Variants in BEND7 observed in about 807,000 individuals in gnomAD.
BEND7 encodes BEN domain containing 7.
In BEND7, 28 loss-of-function variants were observed where a neutral mutation model predicts 50.9. The ratio of observed to expected loss-of-function variants is 0.55; its 90% CI spans 0.41 to 0.75. The LOEUF (loss-of-function observed/expected upper bound fraction) is 0.75. Ranked by LOEUF, BEND7 falls within the 30% of genes least tolerant of loss-of-function variation. The pLI, the probability that BEND7 is intolerant of heterozygous loss-of-function variation, is 0.00. For synonymous variants in BEND7, 170 were observed against 183.9 expected (o/e 0.92, Z 0.61); for missense variants, 477 against 491.3 (o/e 0.97, Z 0.28).
At chr10:13,485,676 G>A (rs1044274727) in intron 5 of BEND7, among the ~76,000 whole-genome samples, 3 of 152,092 alleles carry the variant, frequency 2.0e-5, no homozygotes, top group Non-Finnish European at 4.4e-5. Flanking sequence ...TGTTTATTTC[G>A]TAGTATATTA....
intron 3 of BEND7, among the ~76,000 whole-genome samples, chr10:13,498,464 A>G (rs1215192483): frequency 6.6e-6 from 1 of 152,214 alleles, no homozygotes; most frequent in African/African-American, 2.4e-5. Flanking sequence ...CATACTTTTC[A>G]AAGTAAATCC....
At chr10:13,489,078 G>A (rs76850029) in intron 5 of BEND7, among the ~76,000 whole-genome samples, 62 of 152,248 alleles carry the variant, frequency 4.1e-4, no homozygotes, top group African/African-American at 1.4e-3. Context: ...AATGGGCCAG[G>A]CCTTGTTCTA....
At chr10:13,517,617 G>T (rs1416376381) in intron 2 of BEND7, among the ~76,000 whole-genome samples, 1 of 152,192 alleles carries the variant, frequency 6.6e-6, no homozygotes, top group African/African-American at 2.4e-5. Context: ...GCTGGGCATG[G>T]TGGTGCATGC....
At position 13,526,153 on chromosome 10, in the gene BEND7, G is replaced by C. The variant is rs780483736; in HGVS notation, c.130C>G (p.Gln44Glu). 4 of 1,288,464 alleles carry C rather than the reference G, an allele frequency of 3.1e-6. No individual in the cohort carries two copies. The highest frequency in any genetic ancestry group is 2.5e-5 in the South Asian group (2 of 80,866). The allele number at this position is 1,288,464 out of a possible 1,614,324, so 79.8% of individuals were successfully genotyped here. Residue 44 changes from glutamine (Q) to glutamate (E), a missense_variant, in exon 2 of 9, where the codon CAG becomes GAG. By Grantham distance (29) the Gln-to-Glu change is conservative. This residue lies in a region of BEND7 where 396 missense variants were observed against 384.2 expected (regional missense o/e 1.03). Transcript: ENST00000466271. ...NDVNGEAKET[Q>E]PIFLGDESME... ...AGGAACCTACCTAAAAAAATGGGCT[G>C]TGTCTCTTTGGCCTCCCCATTAACA... is the stretch of plus-strand genomic sequence containing the variant.
chr10:13,458,903 A>T (rs1450636715), intron 6 of BEND7, among the ~76,000 whole-genome samples: 1 of 152,152 alleles, frequency 6.6e-6, no homozygotes, highest in African/African-American at 2.4e-5. Context: ...GAGACTCCCC[A>T]TGTGCGAGGC....
At chr10:13,501,899 T>C (rs934863461) in intron 2 of BEND7, among the ~76,000 whole-genome samples, 5 of 151,780 alleles carry the variant, frequency 3.3e-5, no homozygotes, top group African/African-American at 4.8e-5. Context: ...TTCATGCAGT[T>C]ACTCTAATAA....
At chr10:13,528,113 C>A (rs2079546789) in intron 1 of BEND7, among the ~76,000 whole-genome samples, 1 of 152,082 alleles carries the variant, frequency 6.6e-6, no homozygotes, top group Non-Finnish European at 1.5e-5. Context: ...AAAACAAAAA[C>A]AGCAAATCTC....
At chr10:13,498,385 A>T (rs1247587238) in intron 3 of BEND7, among the ~76,000 whole-genome samples, 17 of 152,110 alleles carry the variant, frequency 1.1e-4, no homozygotes, top group Non-Finnish European at 7.3e-5. Flanking sequence ...CCATATTTCT[A>T]TTGAAAACAT....
intron 2 of BEND7, chr10:13,500,919 C>T (rs763384603): frequency 1.2e-4 from 95 of 824,236 alleles, no homozygotes; most frequent in Middle Eastern, 1.2e-3. Context: ...TAACTGTGTG[C>T]GAAAGGTCAC....
intron 2 of BEND7, 129 bp downstream of exon 2, chr10:13,526,009 G>C (rs1229837782): frequency 2.7e-6 from 1 of 371,504 alleles, no homozygotes; most frequent in Admixed American, 4.2e-5. Context: ...TAAAATAAAA[G>C]GTCTTGAAAA....
At chr10:13,490,072 T>C (rs75859484) in intron 5 of BEND7, among the ~76,000 whole-genome samples, 401 of 152,330 alleles carry the variant, frequency 2.6e-3, no homozygotes, top group Non-Finnish European at 3.9e-3. Flanking sequence ...ACTATTGTTA[T>C]CAGTTTGAAG....
chr10:13,501,525 T>C (rs2077464099), intron 2 of BEND7, among the ~76,000 whole-genome samples: 1 of 151,662 alleles, frequency 6.6e-6, no homozygotes, highest in Non-Finnish European at 1.5e-5. Context: ...GAGAAATGAA[T>C]TTTTTTTTCT....
Position 13,500,011 on chromosome 10 carries a change from C to T in BEND7, c.215G>A (p.Arg72Gln), listed in dbSNP as rs745972440. The T allele has an allele frequency of 1.1e-5, 17 of 1,613,920 alleles. No individual in the cohort carries two copies. The highest frequency in any genetic ancestry group is 3.3e-5 in the Admixed American group (2 of 60,016). ...TTCTTTGCCAACTCGCTGATAGATCCGCCCAGTGCTGTCGTTCAGCAATCT... is the reference window on the plus strand; with the variant it reads ...TTCTTTGCCAACTCGCTGATAGATCTGCCCAGTGCTGTCGTTCAGCAATCT... ...MRRLLNDSTG[R>Q]IYQRVGKEGE... is the part of the protein sequence containing the mutation. Residue 72 changes from arginine (R) to glutamine (Q), a missense_variant, in exon 3 of 9, where the codon CGG (arginine) becomes CAG (glutamine). Around this residue, in one of 3 missense-constraint regions of BEND7, gnomAD observed 396 missense variants for 384.2 expected, o/e 1.03. Coordinates refer to ENST00000466271, the MANE Select transcript of BEND7 (RefSeq NM_001369863.1).
rs77968639 is a variant in BEND7 at position 13,500,757 on chromosome 10, G to T, written c.146-677C>A. On this transcript the variant is annotated intron_variant, in intron 2 of 8. Coordinates refer to ENST00000466271, the MANE Select transcript of BEND7 (RefSeq NM_001369863.1). ...CAAGCGAGGGGGTTTTGTCTTTCTG[G>T]CACTCTGACTCCCATCACATCAGCC... The T allele has an allele frequency of 3.6e-3, 3,532 of 985,444 alleles. 95 individuals carry two copies. In the African/African-American group the frequency reaches 0.056, roughly 16 times the overall value. 61.0% of individuals were successfully genotyped at this position (985,444 alleles called of 1,614,324 possible).
At chr10:13,481,308 T>C (rs930485327) in intron 5 of BEND7, among the ~76,000 whole-genome samples, 184 bp from the exon 6 acceptor site, 5 of 152,208 alleles carry the variant, frequency 3.3e-5, no homozygotes, top group African/African-American at 9.7e-5. Context: ...TTATAACTTA[T>C]GAAACAAGAT....
intron 8 of BEND7, chr10:13,442,457 A>G (rs1167030751): frequency 6.6e-6 from 1 of 152,252 alleles, no homozygotes; most frequent in African/African-American, 2.4e-5. Context: ...ATCTTATTAG[A>G]GAAAGAAATC....
At chr10:13,472,557 G>A (rs897070139) in intron 6 of BEND7, among the ~76,000 whole-genome samples, 1 of 150,692 alleles carries the variant, frequency 6.6e-6, no homozygotes, top group African/African-American at 2.4e-5. Flanking sequence ...ACTTGGGGCC[G>A]ATATCCGTCA....
chr10:13,439,389 TCTGC>T (rs1835065352), downstream of BEND7: 2 of 1,614,162 alleles, frequency 1.2e-6, no homozygotes, highest in Non-Finnish European at 1.7e-6. Flanking sequence ...CTCCCAGGGT[TCTGC>T]CATCTGTCCC....
chr10:13,480,942 G>A lies in BEND7; in HGVS notation c.1020C>T (p.Asp340=). 1 of 1,614,172 alleles carries A rather than the reference G, an allele frequency of 6.2e-7. No homozygotes were observed. Among genetic ancestry groups the A allele is most frequent in the Middle Eastern group, 1.6e-4 (1 of 6,062 alleles). ...TATTTTGGTCTAGTCCTTTCCGGTT[G>A]TCATTGAGTCCTCTTTTCCTCTTCC... ...PNGKRKRGLN[D]NRKGLDQNIV... is the part of the protein sequence containing the mutation. The change falls in exon 6 of 9, where the codon GAC becomes GAT. Residue 340 remains aspartate (D), a synonymous_variant. Transcript: ENST00000466271.
Sources: gnomAD v4.1 joint callset for allele counts (sites outside exome capture counted in the v4.1 genomes callset) on GRCh38, gnomAD v4.1.1 for gene constraint, gnomAD v4.1.1 regional missense constraint, MANE v1.5 for transcripts, NCBI Gene and HGNC (gene_info 2026-07-23, HGNC 2026-07-21) for gene names.